The following PRELID2 variants were observed in gnomAD, a reference collection of about 807,000 sequenced individuals.
The protein encoded by PRELID2 is PRELI domain-containing protein 2.
Under a neutral mutation model 28.4 loss-of-function variants are expected in PRELID2, and 25 were observed. That is an observed-to-expected ratio of 0.88 (90% CI 0.64 to 1.23). The LOEUF (loss-of-function observed/expected upper bound fraction) is 1.23. Ranked by LOEUF, PRELID2 falls within the 50% of genes most tolerant of loss-of-function variation. The pLI, the probability that PRELID2 is intolerant of heterozygous loss-of-function variation, is 0.00. For synonymous variants in PRELID2, 76 were observed against 71.6 expected (o/e 1.06, Z -0.31); for missense variants, 201 against 214.4 (o/e 0.94, Z 0.39).
the PRELID2 span, among the ~76,000 whole-genome samples, chr5:145,235,175 T>C: frequency 6.6e-6 from 1 of 151,690 alleles, no homozygotes; most frequent in Non-Finnish European, 1.5e-5. Context: ...TATAAAAGCA[T>C]ATATATATAT....
intron 3 of PRELID2, among the ~76,000 whole-genome samples, chr5:145,818,690 TAAAAG>T (rs1485681458): frequency 1.3e-5 from 2 of 152,178 alleles, no homozygotes; most frequent in Non-Finnish European, 2.9e-5. Flanking sequence ...ATCTGGAAAA[TAAAAG>T]AAAGTTCATT....
chr5:145,312,491 G>A, the PRELID2 span, among the ~76,000 whole-genome samples: 7 of 152,164 alleles, frequency 4.6e-5, no homozygotes, highest in East Asian at 1.9e-4. Context: ...TTCAGCCAAC[G>A]TCTCCCCATT....
chr5:145,564,149 A>G (rs1390436703), intron 1 of PRELID2, among the ~76,000 whole-genome samples: 1 of 152,222 alleles, frequency 6.6e-6, no homozygotes, highest in East Asian at 1.9e-4. Context: ...CCATAAGCCA[A>G]AGCTTTTAAA....
At chr5:145,606,305 T>C (rs1178748323) in intron 1 of PRELID2, among the ~76,000 whole-genome samples, 1 of 152,142 alleles carries the variant, frequency 6.6e-6, no homozygotes, top group Non-Finnish European at 1.5e-5. Context: ...CAGTCCCATG[T>C]TGAATACAAG....
At chr5:145,475,569 A>T (rs1462758134) in intron 1 of PRELID2, among the ~76,000 whole-genome samples, 3 of 152,210 alleles carry the variant, frequency 2.0e-5, no homozygotes, top group African/African-American at 4.8e-5. Flanking sequence ...TACAAAATTT[A>T]AAATAAATGT....
the PRELID2 span, among the ~76,000 whole-genome samples, chr5:145,346,098 C>T: frequency 6.6e-6 from 1 of 152,070 alleles, no homozygotes; most frequent in Non-Finnish European, 1.5e-5. Flanking sequence ...CAGTCTGTGA[C>T]CTAGGGCAAA....
chr5:145,672,784 A>G (rs900330024), intron 1 of PRELID2, among the ~76,000 whole-genome samples: 6 of 152,224 alleles, frequency 3.9e-5, no homozygotes, highest in Non-Finnish European at 5.9e-5. Context: ...ACCCATCACC[A>G]TCAATTCCCT....
intron 1 of PRELID2, among the ~76,000 whole-genome samples, chr5:145,602,967 G>C (rs1314758203): frequency 6.6e-6 from 1 of 152,092 alleles, no homozygotes; most frequent in Non-Finnish European, 1.5e-5. Flanking sequence ...CATGAGAATT[G>C]CTTGAACCCA....
At chr5:145,528,142 T>C (rs1195270239) in intron 1 of PRELID2, among the ~76,000 whole-genome samples, 1 of 152,102 alleles carries the variant, frequency 6.6e-6, no homozygotes, top group Non-Finnish European at 1.5e-5. Context: ...ATTGTTAAGG[T>C]CAAATGTTCT....
chr5:145,391,732 C>CT, the PRELID2 span, among the ~76,000 whole-genome samples: 4 of 151,200 alleles, frequency 2.6e-5, no homozygotes, highest in South Asian at 6.3e-4. Context: ...TTTTTCAAAC[C>CT]TTTATGCTCT....
chr5:145,406,612 G>A, the PRELID2 span, among the ~76,000 whole-genome samples: 3 of 152,332 alleles, frequency 2.0e-5, no homozygotes. Context: ...AGACAGAACA[G>A]CATGTGGAGA....
chr5:145,350,860 C>T, the PRELID2 span, among the ~76,000 whole-genome samples: 2 of 152,130 alleles, frequency 1.3e-5, no homozygotes, highest in African/African-American at 4.8e-5. Flanking sequence ...CTGAGAATTT[C>T]CTGAAAGGGA....
intron 1 of PRELID2, among the ~76,000 whole-genome samples, chr5:145,485,204 A>G (rs1333623725): frequency 6.6e-6 from 1 of 152,260 alleles, no homozygotes; most frequent in Non-Finnish European, 1.5e-5. Context: ...TTCTGGAAGA[A>G]CTAATAGTGA....
chr5:145,679,564 T>C (rs1754892138), intron 1 of PRELID2, among the ~76,000 whole-genome samples: 2 of 152,148 alleles, frequency 1.3e-5, no homozygotes, highest in South Asian at 4.1e-4. Flanking sequence ...GCGGAAATCT[T>C]ATTCACCATT....
At chr5:145,409,471 AAG>A in the PRELID2 span, among the ~76,000 whole-genome samples, 3 of 152,224 alleles carry the variant, frequency 2.0e-5, no homozygotes, top group African/African-American at 7.2e-5. Flanking sequence ...TGCTGTCATC[AAG>A]AGACTCGCCT....
the PRELID2 span, among the ~76,000 whole-genome samples, chr5:145,408,603 A>G: frequency 1.3e-5 from 2 of 151,636 alleles, no homozygotes; most frequent in Admixed American, 6.6e-5. Flanking sequence ...GAATAGATCA[A>G]GTGGAAGAAA....
intron 1 of PRELID2, among the ~76,000 whole-genome samples, chr5:145,610,463 TA>T (rs57586640): frequency 0.15 from 21,823 of 147,082 alleles, 2,682 homozygotes; most frequent in African/African-American, 0.32. Context: ...ATTCTCAATT[TA>T]AAAAAAAAAA....
chr5:145,554,229 A>G (rs982766747), intron 1 of PRELID2, among the ~76,000 whole-genome samples: 7 of 152,210 alleles, frequency 4.6e-5, no homozygotes, highest in African/African-American at 1.7e-4. Flanking sequence ...TAGAACCCCA[A>G]AAAACACTAA....
chr5:145,389,161 A>G, the PRELID2 span, among the ~76,000 whole-genome samples: 2 of 152,260 alleles, frequency 1.3e-5, no homozygotes, highest in Admixed American at 1.3e-4. Context: ...ATGGCTAAGA[A>G]CCATGCTACA....
Sources: allele counts gnomAD v4.1 joint callset (sites outside exome capture counted in the v4.1 genomes callset), GRCh38; gene constraint gnomAD v4.1.1; transcripts MANE v1.5; gene names NCBI Gene and HGNC (gene_info 2026-07-23, HGNC 2026-07-21).